NXPE4: variants seen among roughly 807,000 people sequenced by gnomAD.
NXPE4 encodes the protein neurexophilin and PC-esterase domain family member 4.
NXPE4 carries 42 observed loss-of-function variants against 33.3 expected under a neutral mutation model. The ratio of observed to expected loss-of-function variants is 1.26; its 90% CI spans 0.98 to 1.63. NXPE4 has a LOEUF of 1.63. Ranked by LOEUF, NXPE4 falls within the 40% of genes most tolerant of loss-of-function variation. The pLI, the probability that NXPE4 is intolerant of heterozygous loss-of-function variation, is 0.00. For missense variants in NXPE4, 709 were observed against 647.6 expected, an observed-to-expected ratio of 1.09 and a Z score of -1.03; for synonymous variants, 253 against 234.9, an observed-to-expected ratio of 1.08 and a Z score of -0.71.
the NXPE4 span, among the ~76,000 whole-genome samples, chr11:114,631,039 G>C: frequency 2.0e-5 from 3 of 151,676 alleles, no homozygotes; most frequent in African/African-American, 7.3e-5. Flanking sequence ...TGCTGGAGAG[G>C]ATGTGGAGAA....
At chr11:114,653,440 C>T in the NXPE4 span, among the ~76,000 whole-genome samples, 4 of 152,152 alleles carry the variant, frequency 2.6e-5, no homozygotes, top group South Asian at 8.3e-4. Flanking sequence ...TTTCTGCCTC[C>T]AGAAGGCAGC....
chr11:114,622,521 G>A, the NXPE4 span, among the ~76,000 whole-genome samples: 4 of 152,194 alleles, frequency 2.6e-5, no homozygotes, highest in Admixed American at 2.0e-4. Context: ...ATTGCCTCAT[G>A]GGTAACCACT....
At chr11:114,654,551 T>C in the NXPE4 span, among the ~76,000 whole-genome samples, 1 of 152,128 alleles carries the variant, frequency 6.6e-6, no homozygotes, top group Non-Finnish European at 1.5e-5. Context: ...CAACTCCCAC[T>C]TATGAGTGAG....
At chr11:114,652,198 G>A in the NXPE4 span, among the ~76,000 whole-genome samples, 4 of 152,156 alleles carry the variant, frequency 2.6e-5, no homozygotes, top group Admixed American at 6.5e-5. Flanking sequence ...ATACTGAGAG[G>A]GGCTCTGAGA....
the NXPE4 span, among the ~76,000 whole-genome samples, chr11:114,625,969 G>T: frequency 5.3e-5 from 8 of 151,488 alleles, no homozygotes; most frequent in Admixed American, 2.6e-4. Context: ...TTTTCCGATG[G>T]GCTTAAAAAA....
chr11:114,642,830 A>C, the NXPE4 span, among the ~76,000 whole-genome samples: 1 of 152,088 alleles, frequency 6.6e-6, no homozygotes, highest in South Asian at 2.1e-4. Flanking sequence ...ATCCTTGAGG[A>C]ATCGCCACAC....
chr11:114,632,633 A>G, the NXPE4 span, among the ~76,000 whole-genome samples: 2 of 99,580 alleles, frequency 2.0e-5, no homozygotes, highest in African/African-American at 4.2e-5. Flanking sequence ...TATATATAAT[A>G]AATGTAAATA....
the NXPE4 span, among the ~76,000 whole-genome samples, chr11:114,676,401 T>C: frequency 6.6e-6 from 1 of 151,642 alleles, no homozygotes; most frequent in Non-Finnish European, 1.5e-5. Flanking sequence ...AGAACTCAAA[T>C]AAGTTAATAG....
the NXPE4 span, among the ~76,000 whole-genome samples, chr11:114,635,161 C>A: frequency 6.6e-6 from 1 of 150,394 alleles, no homozygotes; most frequent in African/African-American, 2.5e-5. Context: ...TTGTAGTTCT[C>A]CTTGAAGAGT....
intron 2 of NXPE4, among the ~76,000 whole-genome samples, chr11:114,590,267 A>G (rs1442191606): frequency 2.0e-5 from 3 of 152,228 alleles, no homozygotes; most frequent in Non-Finnish European, 4.4e-5. Flanking sequence ...CTGACAGAGC[A>G]TATAAGATTT....
At chr11:114,574,418 T>G (rs529041018) in intron 5 of NXPE4, among the ~76,000 whole-genome samples, 1 of 152,016 alleles carries the variant, frequency 6.6e-6, no homozygotes, top group African/African-American at 2.4e-5. Flanking sequence ...AACAAAAAGC[T>G]GGTTCTTTGA....
chr11:114,631,361 A>C, the NXPE4 span, among the ~76,000 whole-genome samples: 2 of 151,916 alleles, frequency 1.3e-5, no homozygotes, highest in Non-Finnish European at 2.9e-5. Flanking sequence ...TGATGAGTTC[A>C]TGTCCTTTGT....
At chr11:114,668,726 C>CT in the NXPE4 span, among the ~76,000 whole-genome samples, 14,006 of 152,096 alleles carry the variant, frequency 0.092, 762 homozygotes, top group Middle Eastern at 0.2. Flanking sequence ...TAATAAGTTA[C>CT]TGTTAATCTT....
chr11:114,575,292 T>C (rs1378170516), intron 5 of NXPE4, among the ~76,000 whole-genome samples: 1 of 152,026 alleles, frequency 6.6e-6, no homozygotes, highest in African/African-American at 2.4e-5. Flanking sequence ...AAGACAAGAA[T>C]GCCCATTCTC....
the NXPE4 span, among the ~76,000 whole-genome samples, chr11:114,632,618 A>T: frequency 9.8e-6 from 1 of 101,726 alleles, no homozygotes; most frequent in Non-Finnish European, 1.8e-5. Context: ...TATTTTATAT[A>T]TATTTATATA....
chr11:114,657,299 C>A, the NXPE4 span, among the ~76,000 whole-genome samples: 5 of 152,028 alleles, frequency 3.3e-5, no homozygotes, highest in Non-Finnish European at 7.4e-5. Context: ...CTTGGGAGAT[C>A]TCGATATAGA....
chr11:114,654,121 A>G, the NXPE4 span, among the ~76,000 whole-genome samples: 1 of 152,116 alleles, frequency 6.6e-6, no homozygotes, highest in African/African-American at 2.4e-5. Flanking sequence ...AGTAGACCCC[A>G]CAGTGGCTTT....
At chr11:114,660,022 T>A in the NXPE4 span, among the ~76,000 whole-genome samples, 1 of 152,034 alleles carries the variant, frequency 6.6e-6, no homozygotes, top group Admixed American at 6.6e-5. Flanking sequence ...AAGAATCATA[T>A]CTATAAATTC....
chr11:114,641,442 CA>C, the NXPE4 span, among the ~76,000 whole-genome samples: 1 of 151,854 alleles, frequency 6.6e-6, no homozygotes, highest in Non-Finnish European at 1.5e-5. Context: ...AATGAAATTG[CA>C]AAATATTTGA....
Sources: gnomAD v4.1 joint callset for allele counts (sites outside exome capture counted in the v4.1 genomes callset) on GRCh38, gnomAD v4.1.1 for gene constraint, MANE v1.5 for transcripts, NCBI Gene and HGNC (gene_info 2026-07-23, HGNC 2026-07-21) for gene names.